Variants in SH3GL3 observed in about 807,000 individuals in gnomAD.
The protein encoded by SH3GL3 is SH3 domain containing GRB2 like 3, endophilin A3.
In SH3GL3, 33 loss-of-function variants were observed where a neutral mutation model predicts 47.7. The ratio of observed to expected loss-of-function variants is 0.69; its 90% CI spans 0.52 to 0.92. The LOEUF (loss-of-function observed/expected upper bound fraction) is 0.92. Ranked by LOEUF, SH3GL3 falls within the 40% of genes least tolerant of loss-of-function variation. The pLI is 0.00. For synonymous variants in SH3GL3, 155 were observed against 148.8 expected (o/e 1.04, Z -0.30); for missense variants, 363 against 417.8 (o/e 0.87, Z 1.14).
At chr15:83,461,875 T>A (rs181679093) in intron 1 of SH3GL3, among the ~76,000 whole-genome samples, 1 of 152,326 alleles carries the variant, frequency 6.6e-6, no homozygotes, top group Non-Finnish European at 1.5e-5. Context: ...AAAACTAACT[T>A]ATTTTACATA....
intron 8 of SH3GL3, among the ~76,000 whole-genome samples, chr15:83,608,389 G>A (rs1244750998): frequency 2.6e-5 from 4 of 152,098 alleles, no homozygotes; most frequent in South Asian, 2.1e-4. Context: ...TGTCCAGTGC[G>A]CTCTTACCCA....
intron 1 of SH3GL3, among the ~76,000 whole-genome samples, chr15:83,468,031 C>A (rs1288366508): frequency 1.3e-5 from 2 of 152,126 alleles, no homozygotes; most frequent in African/African-American, 4.8e-5. Flanking sequence ...AGGGTTTCAC[C>A]ATGTTAGCCA....
intron 1 of SH3GL3, among the ~76,000 whole-genome samples, chr15:83,552,490 C>A (rs1274875303): frequency 6.6e-6 from 1 of 152,050 alleles, no homozygotes; most frequent in East Asian, 1.9e-4. Context: ...GGTTAAAAAA[C>A]CCCAAAACCT....
intron 1 of SH3GL3, among the ~76,000 whole-genome samples, chr15:83,465,055 A>G (rs1206040816): frequency 1.3e-5 from 2 of 151,048 alleles, no homozygotes; most frequent in South Asian, 4.2e-4. Context: ...TGTGGGAAAA[A>G]AAAAAGAACT....
chr15:83,612,577 G>A (rs561677689), intron 8 of SH3GL3, among the ~76,000 whole-genome samples: 4 of 152,336 alleles, frequency 2.6e-5, no homozygotes, highest in Admixed American at 2.6e-4. Context: ...TCCAGCCCCC[G>A]TGTTAGTCCA....
chr15:83,571,657 G>C (rs1476802339), intron 4 of SH3GL3, among the ~76,000 whole-genome samples: 2 of 152,056 alleles, frequency 1.3e-5, no homozygotes, highest in African/African-American at 4.8e-5. Context: ...CCCTCACCTG[G>C]TGGGTGAAAC....
rs75159063 is a variant in SH3GL3 at position 83,531,183 on chromosome 15, T to C, written c.46-28070T>C. On this transcript the variant is annotated intron_variant, in intron 1 of 8. Transcript: ENST00000427482. ...CACCATTCTAGTGCTGAGGATACCA[T>C]AATGAGTAATATTCATGAGTAAGAC... Among the ~76,000 whole-genome samples the C allele has an allele frequency of 3.7e-3, 566 of 152,308 alleles. 6 individuals are homozygous for C. The highest frequency in any genetic ancestry group is 0.013 in the African/African-American group (549 of 41,560).
chr15:83,508,092 C>T (rs1217617851), intron 1 of SH3GL3, among the ~76,000 whole-genome samples: 1 of 151,704 alleles, frequency 6.6e-6, no homozygotes, highest in African/African-American at 2.4e-5. Flanking sequence ...CAGGTGCGCA[C>T]CACCACGCCC....
chr15:83,531,839 TGAGA>T (rs150286529), intron 1 of SH3GL3, among the ~76,000 whole-genome samples: 2 of 151,014 alleles, frequency 1.3e-5, no homozygotes, highest in Non-Finnish European at 3.0e-5. Context: ...TGTGTGTGTC[TGAGA>T]GAGAGAGAGA....
Position 83,569,416 on chromosome 15 carries a change from C to T in SH3GL3, c.331+744C>T, listed in dbSNP as rs1256041885. Among the ~76,000 whole-genome samples, 3 of 152,078 alleles carry T rather than the reference C, an allele frequency of 2.0e-5. No individual in the cohort carries two copies. The East Asian group carries it at 5.8e-4, about 29-fold the overall frequency. On this transcript the variant is annotated intron_variant, in intron 4 of 8. Coordinates refer to ENST00000427482, the MANE Select transcript of SH3GL3 (RefSeq NM_003027.5). ...AATCCCATTTACTAAATAAATGTTT[C>T]TTTATGTAAAAACATTTTACATAGC...
At chr15:83,595,816 G>A (rs1383275824) in intron 8 of SH3GL3, among the ~76,000 whole-genome samples, 1 of 151,974 alleles carries the variant, frequency 6.6e-6, no homozygotes, top group African/African-American at 2.4e-5. Context: ...ATCCTTTTAA[G>A]ATATATAGAA....
chr15:83,530,101 T>C (rs2043600583), intron 1 of SH3GL3, among the ~76,000 whole-genome samples: 1 of 152,044 alleles, frequency 6.6e-6, no homozygotes, highest in South Asian at 2.1e-4. Context: ...GCTTCAGGGA[T>C]GTCGAGATGC....
At chr15:83,612,120 A>G (rs770041373) in intron 8 of SH3GL3, among the ~76,000 whole-genome samples, 1 of 152,174 alleles carries the variant, frequency 6.6e-6, no homozygotes, top group African/African-American at 2.4e-5. Context: ...TAGAAAGCAT[A>G]GACTATCCGT....
chr15:83,540,877 CTT>C (rs1193867416), intron 1 of SH3GL3, among the ~76,000 whole-genome samples: 1 of 152,180 alleles, frequency 6.6e-6, no homozygotes, highest in Non-Finnish European at 1.5e-5. Flanking sequence ...AATATTATCT[CTT>C]ATTCATTATA....
the SH3GL3 span, among the ~76,000 whole-genome samples, chr15:83,633,115 G>C: frequency 6.6e-6 from 1 of 152,126 alleles, no homozygotes; most frequent in Admixed American, 6.6e-5. Context: ...ATGACACAAT[G>C]TAAATGGATA....
chr15:83,628,570 C>G, the SH3GL3 span, among the ~76,000 whole-genome samples: 26 of 152,034 alleles, frequency 1.7e-4, no homozygotes, highest in African/African-American at 6.3e-4. Context: ...TGGTGAAACC[C>G]TATTTCTACT....
At chr15:83,616,340 C>T (rs1445014659) in intron 8 of SH3GL3, among the ~76,000 whole-genome samples, 1 of 151,046 alleles carries the variant, frequency 6.6e-6, no homozygotes, top group East Asian at 1.9e-4. Context: ...GCAACCTCCG[C>T]CTTCCGGGTT....
At chr15:83,526,342 C>A (rs2043419700) in intron 1 of SH3GL3, among the ~76,000 whole-genome samples, 2 of 152,252 alleles carry the variant, frequency 1.3e-5, no homozygotes, top group South Asian at 2.1e-4. Flanking sequence ...ATAAATTGTT[C>A]TATCATAAAG....
intron 1 of SH3GL3, among the ~76,000 whole-genome samples, chr15:83,514,475 A>G (rs996052102): frequency 6.6e-6 from 1 of 152,176 alleles, no homozygotes; most frequent in East Asian, 1.9e-4. Context: ...TAAATGAGAT[A>G]AAATTGAGGG....
Sources: allele counts gnomAD v4.1 joint callset (sites outside exome capture counted in the v4.1 genomes callset), GRCh38; gene constraint gnomAD v4.1.1; transcripts MANE v1.5; gene names NCBI Gene and HGNC (gene_info 2026-07-23, HGNC 2026-07-21).